The following ABCC4 variants were observed in gnomAD, a reference collection of about 807,000 sequenced individuals.
ABCC4 encodes ATP-binding cassette sub-family C member 4.
ABCC4 carries 102 observed loss-of-function variants against 168.5 expected under a neutral mutation model. That is an observed-to-expected ratio of 0.61 (90% CI 0.52 to 0.71). The LOEUF is 0.71. Ranked by LOEUF, ABCC4 falls within the 30% of genes least tolerant of loss-of-function variation. The pLI, the probability that ABCC4 is intolerant of heterozygous loss-of-function variation, is 0.00. For missense variants in ABCC4, 1,402 were observed against 1,605.8 expected, an observed-to-expected ratio of 0.87 and a Z score of 2.17; for synonymous variants, 617 against 590.7, an observed-to-expected ratio of 1.04 and a Z score of -0.65.
At chr13:95,156,127 T>C (rs2036845882) in intron 19 of ABCC4, among the ~76,000 whole-genome samples, 1 of 151,982 alleles carries the variant, frequency 6.6e-6, no homozygotes, top group Non-Finnish European at 1.5e-5. Flanking sequence ...TTCCAGTTAC[T>C]AGTCAAGAAG....
chr13:95,090,040 G>C (rs999258931), intron 20 of ABCC4, among the ~76,000 whole-genome samples: 3 of 152,080 alleles, frequency 2.0e-5, no homozygotes, highest in Non-Finnish European at 4.4e-5. Flanking sequence ...AATCCCAAGA[G>C]GAGCCACAGA....
intron 19 of ABCC4, among the ~76,000 whole-genome samples, chr13:95,144,155 T>C (rs1433128004): frequency 1.3e-5 from 2 of 152,118 alleles, no homozygotes; most frequent in Non-Finnish European, 2.9e-5. Flanking sequence ...TTGTCAAATT[T>C]TTAAACATAT....
intron 21 of ABCC4, among the ~76,000 whole-genome samples, chr13:95,079,128 A>G (rs2034005909): frequency 6.6e-6 from 1 of 152,154 alleles, no homozygotes; most frequent in Non-Finnish European, 1.5e-5. Flanking sequence ...GCTGCCAGTG[A>G]GGGTGAGCTG....
At chr13:95,256,149 G>A (rs578131524) in intron 1 of ABCC4, among the ~76,000 whole-genome samples, 11 of 152,226 alleles carry the variant, frequency 7.2e-5, no homozygotes, top group East Asian at 5.8e-4. Flanking sequence ...GGGGTGCAGC[G>A]GCATAATCAT....
chr13:95,259,887 G>A (rs1242757029), intron 1 of ABCC4, among the ~76,000 whole-genome samples: 8 of 151,792 alleles, frequency 5.3e-5, no homozygotes, highest in African/African-American at 1.9e-4. Flanking sequence ...GGACACATGT[G>A]GACACAGGCT....
chr13:95,044,579 C>A, intron 27 of ABCC4, 141 bp from the exon 28 acceptor site: 1 of 630,254 alleles, frequency 1.6e-6, no homozygotes, highest in Non-Finnish European at 2.5e-6. Flanking sequence ...TGAATTACCT[C>A]TAGTTAATGT....
intron 19 of ABCC4, among the ~76,000 whole-genome samples, chr13:95,148,618 A>ACC (rs2036573907): frequency 6.6e-6 from 1 of 151,260 alleles, no homozygotes; most frequent in Non-Finnish European, 1.5e-5. Flanking sequence ...ACACACACAC[A>ACC]CACACACACA....
chr13:95,086,087 T>TCGTG (rs1555309911), intron 20 of ABCC4, among the ~76,000 whole-genome samples: 2 of 141,988 alleles, frequency 1.4e-5, no homozygotes, highest in Admixed American at 1.4e-4. Context: ...TTTAAGGTTA[T>TCGTG]TGTGTGTGTG....
intron 13 of ABCC4, among the ~76,000 whole-genome samples, chr13:95,176,048 C>G (rs1044213897): frequency 6.6e-6 from 1 of 152,092 alleles, no homozygotes; most frequent in Non-Finnish European, 1.5e-5. Flanking sequence ...ATCCTACTCT[C>G]AGCCACCACA....
In ABCC4 at chr13:95,155,907, CAA is replaced by C. The variant is rs376266522; in HGVS notation, c.2455+5280_2455+5281del. Among the ~76,000 whole-genome samples, 64 of 152,280 alleles carry C rather than the reference CAA, an allele frequency of 4.2e-4. 1 individual carries two copies. The South Asian group carries it at 0.013, about 32-fold the overall frequency. On this transcript the variant is annotated intron_variant, in intron 19 of 30. Coordinates refer to ENST00000645237, the MANE Select transcript of ABCC4 (RefSeq NM_005845.5). ...CAAACCGCTCATCTTTTCTCCAAAA[CAA>C]AGAGTGAAATTGTAGAGACCTGATA... is the stretch of plus-strand genomic sequence containing the variant.
chr13:95,201,803 C>T (rs1403339764), intron 8 of ABCC4, among the ~76,000 whole-genome samples: 1 of 151,970 alleles, frequency 6.6e-6, no homozygotes, highest in African/African-American at 2.4e-5. Flanking sequence ...TGAAACCTTG[C>T]CTCTACTAAA....
At chr13:95,295,820 A>G (rs1297550562) in intron 1 of ABCC4, among the ~76,000 whole-genome samples, 1 of 151,574 alleles carries the variant, frequency 6.6e-6, no homozygotes, top group Admixed American at 6.6e-5. Flanking sequence ...CAAAAAAATT[A>G]GTTGGGCATA....
chr13:95,284,772 T>G (rs2041218510), intron 1 of ABCC4, among the ~76,000 whole-genome samples: 1 of 152,190 alleles, frequency 6.6e-6, no homozygotes, highest in African/African-American at 2.4e-5. Context: ...AGGGACTCTG[T>G]GCTAAGTTAC....
chr13:95,266,747 C>T (rs373502270), intron 1 of ABCC4, among the ~76,000 whole-genome samples: 101 of 152,064 alleles, frequency 6.6e-4, no homozygotes, highest in African/African-American at 2.4e-3. Context: ...GCCTGGGTAG[C>T]ATTGGCCCCT....
chr13:95,070,548 C>A (rs764071822), intron 25 of ABCC4, among the ~76,000 whole-genome samples: 3 of 152,190 alleles, frequency 2.0e-5, no homozygotes, highest in Non-Finnish European at 4.4e-5. Context: ...ACCTGCAAAA[C>A]CAGCTCACAA....
At chr13:95,292,916 TG>T in intron 1 of ABCC4, among the ~76,000 whole-genome samples, 1 of 152,014 alleles carries the variant, frequency 6.6e-6, no homozygotes, top group Middle Eastern at 3.4e-3. Flanking sequence ...GGGCTGGAAG[TG>T]GGAGAAGCAA....
chr13:95,239,109 G>A (rs1213103466), intron 3 of ABCC4, among the ~76,000 whole-genome samples: 2 of 150,666 alleles, frequency 1.3e-5, no homozygotes, highest in African/African-American at 2.4e-5. Context: ...AAAAAAAATA[G>A]TTTGAAAAGA....
intron 19 of ABCC4, among the ~76,000 whole-genome samples, chr13:95,137,990 G>A (rs1156774581): frequency 2.0e-5 from 3 of 152,114 alleles, no homozygotes; most frequent in African/African-American, 2.4e-5. Flanking sequence ...AAAGTGGGCG[G>A]TGGGGCGGGG....
At chr13:95,240,013 G>A (rs991507055) in intron 3 of ABCC4, among the ~76,000 whole-genome samples, 1 of 152,078 alleles carries the variant, frequency 6.6e-6, no homozygotes, top group Admixed American at 6.5e-5. Context: ...AGTGGCAGGT[G>A]GTACACACCC....
Sources: gnomAD v4.1 joint callset for allele counts (sites outside exome capture counted in the v4.1 genomes callset) on GRCh38, gnomAD v4.1.1 for gene constraint, MANE v1.5 for transcripts, NCBI Gene and HGNC (gene_info 2026-07-23, HGNC 2026-07-21) for gene names.